The following GPC5 variants were observed in gnomAD, a reference collection of about 807,000 sequenced individuals.
GPC5 encodes glypican-5.
GPC5 carries 47 observed loss-of-function variants against 53.9 expected under a neutral mutation model. The ratio of observed to expected loss-of-function variants is 0.87; its 90% CI spans 0.69 to 1.11. GPC5 has a LOEUF of 1.11. GPC5 is among the 50% of genes most tolerant of loss of function. GPC5 has a pLI of 0.00. For missense variants in GPC5, 748 were observed against 713.1 expected (o/e 1.05, Z -0.56); for synonymous variants, 286 against 263.3 (o/e 1.09, Z -0.84).
intron 2 of GPC5, among the ~76,000 whole-genome samples, chr13:91,651,678 A>G (rs2034714318): frequency 1.3e-5 from 2 of 150,614 alleles, no homozygotes; most frequent in Admixed American, 6.7e-5. Flanking sequence ...AGATCGTGCC[A>G]TTGCACTCCA....
In GPC5 at chr13:92,379,966, A is replaced by G. The variant is rs1019903740; in HGVS notation, c.1561+234977A>G. 3.3e-5 allele frequency among the ~76,000 whole-genome samples: 5 copies of G among 152,172 alleles called. No individual in the cohort carries two copies. The South Asian group carries it at 8.3e-4, about 25-fold the overall frequency. ...GATGGCTCAATCCTGGTTATTGTCAACAGTGTTCACTTTACCCATCCAATG... is the reference window on the plus strand; with the variant it reads ...GATGGCTCAATCCTGGTTATTGTCAGCAGTGTTCACTTTACCCATCCAATG... On this transcript the variant is annotated intron_variant, in intron 7 of 7. Transcript: ENST00000377067.
At chr13:92,729,970 G>A (rs1410243296) in intron 7 of GPC5, among the ~76,000 whole-genome samples, 2 of 151,342 alleles carry the variant, frequency 1.3e-5, no homozygotes, top group Non-Finnish European at 3.0e-5. Flanking sequence ...TGTTAAGTAT[G>A]CTAGAGGGAT....
chr13:92,678,559 A>G (rs1887019245), intron 7 of GPC5, among the ~76,000 whole-genome samples: 2 of 152,210 alleles, frequency 1.3e-5, no homozygotes, highest in Admixed American at 1.3e-4. Flanking sequence ...GCTTTGTTTA[A>G]GGGACAGCAA....
rs560761737 is a variant in GPC5, at chr13:92,315,174, A to G, written c.1561+170185A>G. On this transcript the variant is annotated intron_variant, in intron 7 of 7. Transcript: ENST00000377067. ...AAGTCATTAACTTCTGGGTTACGAT[A>G]TATTCGGAAGGTTACAGATGGAAGT... Among the ~76,000 whole-genome samples, 7 of 152,316 alleles carry G rather than the reference A, an allele frequency of 4.6e-5. No homozygotes were observed. In the South Asian group the frequency reaches 6.2e-4, roughly 14 times the overall value.
chr13:91,750,946 G>A (rs1053242456), intron 4 of GPC5, among the ~76,000 whole-genome samples: 4 of 147,806 alleles, frequency 2.7e-5, no homozygotes, highest in South Asian at 2.1e-4. Context: ...ACAGGTGTGA[G>A]CCATTGCGCC....
At chr13:91,878,033 C>A (rs1239237355) in intron 5 of GPC5, among the ~76,000 whole-genome samples, 3 of 152,080 alleles carry the variant, frequency 2.0e-5, no homozygotes, top group Non-Finnish European at 4.4e-5. Context: ...TTTGCCTCCC[C>A]CTGTGATTCT....
intron 5 of GPC5, among the ~76,000 whole-genome samples, chr13:91,841,652 G>A (rs2038789480): frequency 6.6e-6 from 1 of 151,882 alleles, no homozygotes; most frequent in African/African-American, 2.4e-5. Context: ...AGAAGGCATT[G>A]GATTTATATT....
chr13:91,904,812 G>T (rs1323075118), intron 5 of GPC5, among the ~76,000 whole-genome samples: 1 of 152,010 alleles, frequency 6.6e-6, no homozygotes, highest in African/African-American at 2.4e-5. Flanking sequence ...GGAAACGAAG[G>T]TTGAGTGGAA....
chr13:92,316,049 C>T (rs574507898), intron 7 of GPC5, among the ~76,000 whole-genome samples: 29 of 152,240 alleles, frequency 1.9e-4, no homozygotes, highest in African/African-American at 5.8e-4. Flanking sequence ...AGATAGAATT[C>T]GATCAGAGGG....
At chr13:91,994,203 C>A (rs933757417) in intron 6 of GPC5, among the ~76,000 whole-genome samples, 2 of 152,126 alleles carry the variant, frequency 1.3e-5, no homozygotes, top group African/African-American at 2.4e-5. Context: ...TGCATGTATA[C>A]CGTAAAGGAG....
At chr13:92,043,942 C>T (rs1447922178) in intron 6 of GPC5, among the ~76,000 whole-genome samples, 7 of 152,120 alleles carry the variant, frequency 4.6e-5, no homozygotes, top group Non-Finnish European at 8.8e-5. Flanking sequence ...AATCCGATAA[C>T]TTCATGTTCT....
chr13:91,678,312 A>G (rs574371288), intron 2 of GPC5, among the ~76,000 whole-genome samples: 1 of 152,300 alleles, frequency 6.6e-6, no homozygotes, highest in Non-Finnish European at 1.5e-5. Context: ...ACCGTTTTTA[A>G]GTCACTTTAT....
At chr13:92,425,775 T>A (rs982554512) in intron 7 of GPC5, among the ~76,000 whole-genome samples, 1 of 152,136 alleles carries the variant, frequency 6.6e-6, no homozygotes, top group South Asian at 2.1e-4. Flanking sequence ...CTGACACCCA[T>A]GTTCACTGCT....
intron 5 of GPC5, among the ~76,000 whole-genome samples, chr13:91,897,041 C>A (rs1249856835): frequency 6.6e-6 from 1 of 152,072 alleles, no homozygotes. Flanking sequence ...TCCTCCTCTT[C>A]TTCCTCCCCC....
rs546090987 is a variant in GPC5 at position 92,751,343 on chromosome 13, A to G, written c.1562-114939A>G. The stretch of plus-strand genomic sequence containing the variant: ...AAAAAAAAAAAAAAAAAACCTTCCA[A>G]CCTCATAAAATCTTATTTTGTTCTA... On this transcript the variant is annotated intron_variant, in intron 7 of 7. Transcript: ENST00000377067. Among the ~76,000 whole-genome samples the G allele has an allele frequency of 1.8e-3, 254 of 141,792 alleles. 1 individual carries two copies. Among genetic ancestry groups the G allele is most frequent in the African/African-American group, 6.3e-3 (244 of 38,884 alleles). 93.0% of individuals were successfully genotyped at this position (141,792 alleles called of 152,430 possible).
intron 2 of GPC5, among the ~76,000 whole-genome samples, chr13:91,473,648 C>T (rs984734714): frequency 1.3e-5 from 2 of 152,074 alleles, no homozygotes; most frequent in African/African-American, 2.4e-5. Flanking sequence ...TCCATCAACA[C>T]AGCTTCAAAA....
chr13:92,275,059 A>T (rs1434340787), intron 7 of GPC5, among the ~76,000 whole-genome samples: 1 of 151,802 alleles, frequency 6.6e-6, no homozygotes, highest in Admixed American at 6.6e-5. Flanking sequence ...ATAATAGATG[A>T]ATTTGCTTCA....
At chr13:91,887,731 T>C (rs1043712675) in intron 5 of GPC5, among the ~76,000 whole-genome samples, 13 of 152,136 alleles carry the variant, frequency 8.5e-5, no homozygotes, top group Non-Finnish European at 1.9e-4. Context: ...TTGGTCTACT[T>C]CCCAACAAGC....
intron 2 of GPC5, among the ~76,000 whole-genome samples, chr13:91,646,441 TATG>T (rs2034558592): frequency 6.6e-6 from 1 of 151,956 alleles, no homozygotes; most frequent in Admixed American, 6.6e-5. Context: ...GAAAATTAAA[TATG>T]ATTATACTAT....
Sources: gnomAD v4.1 joint callset for allele counts (sites outside exome capture counted in the v4.1 genomes callset) on GRCh38, gnomAD v4.1.1 for gene constraint, MANE v1.5 for transcripts, NCBI Gene and HGNC (gene_info 2026-07-23, HGNC 2026-07-21) for gene names.